ROR2: variants seen among roughly 807,000 people sequenced by gnomAD.
ROR2 encodes the protein tyrosine-protein kinase transmembrane receptor ROR2.
Under a neutral mutation model 74.9 loss-of-function variants are expected in ROR2, and 33 were observed. The ratio of observed to expected loss-of-function variants is 0.44; its 90% CI spans 0.33 to 0.59. The LOEUF is 0.59. Among genes scored for constraint, ROR2 ranks in the 20% least tolerant of loss-of-function variants. ROR2 has a pLI of 0.02. For synonymous variants in ROR2, 586 were observed against 558.7 expected, an observed-to-expected ratio of 1.05 and a Z score of -0.69; for missense variants, 1,216 against 1,313.8, an observed-to-expected ratio of 0.93 and a Z score of 1.15.
chr9:91,757,321 G>A lies in ROR2; in HGVS notation c.414C>T (p.Thr138=), dbSNP rs200568902. ...TGGCGGTAATGGTCTTCATCCCGTT[G>A]GTGGCCACGCACTGGTAGTAGCCAG... ...TDTGYYQCVA[T]NGMKTITATG... Residue 138 remains threonine, a synonymous_variant, in exon 3 of 9, where the codon ACC becomes ACT. Coordinates refer to ENST00000375708, the MANE Select transcript of ROR2 (RefSeq NM_004560.4). 2.5e-6 allele frequency: 4 copies of A among 1,614,002 alleles called. No homozygotes were observed. The East Asian group carries it at 6.7e-5, about 27-fold the overall frequency.
At chr9:91,727,416 A>T (rs547801223) in intron 7 of ROR2, among the ~76,000 whole-genome samples, 171 of 133,998 alleles carry the variant, frequency 1.3e-3, no homozygotes, top group African/African-American at 5.0e-3. Flanking sequence ...TTTTTTTTTT[A>T]AATCACAGGG....
At chr9:91,834,830 T>A (rs1175271766) in intron 1 of ROR2, among the ~76,000 whole-genome samples, 1 of 152,188 alleles carries the variant, frequency 6.6e-6, no homozygotes, top group Non-Finnish European at 1.5e-5. Context: ...CCAGTGAGCT[T>A]TTGACTCCTG....
intron 8 of ROR2, among the ~76,000 whole-genome samples, chr9:91,725,892 G>A (rs564775708): frequency 1.3e-5 from 2 of 152,190 alleles, no homozygotes; most frequent in Non-Finnish European, 2.9e-5. Context: ...GGACTGAAGA[G>A]CCAAGTGCAT....
chr9:91,771,875 C>T (rs938265411), intron 2 of ROR2, among the ~76,000 whole-genome samples: 4 of 152,174 alleles, frequency 2.6e-5, no homozygotes, highest in African/African-American at 9.7e-5. Context: ...ATGAACTGGT[C>T]CACAGGCCAA....
intron 1 of ROR2, among the ~76,000 whole-genome samples, chr9:91,796,453 A>G (rs1160967843): frequency 6.6e-6 from 1 of 151,960 alleles, no homozygotes; most frequent in Non-Finnish European, 1.5e-5. Flanking sequence ...AAAAAAAAAA[A>G]AACATTTTCA....
intron 1 of ROR2, among the ~76,000 whole-genome samples, chr9:91,899,022 G>A (rs143663191): frequency 0.017 from 2,569 of 152,260 alleles, 76 homozygotes; most frequent in African/African-American, 0.059. Flanking sequence ...CAAACAGAGA[G>A]GGCAGCGGAA....
At chr9:91,867,704 C>T (rs1228718626) in intron 1 of ROR2, among the ~76,000 whole-genome samples, 5 of 74,638 alleles carry the variant, frequency 6.7e-5, no homozygotes. Flanking sequence ...GTGTGTGTAT[C>T]TGACCCTAAG....
intron 1 of ROR2, among the ~76,000 whole-genome samples, chr9:91,928,973 A>G (rs35936686): frequency 6.6e-6 from 1 of 152,242 alleles, no homozygotes; most frequent in Non-Finnish European, 1.5e-5. Context: ...CTGGCAAGAA[A>G]ACCAGCCATG....
chr9:91,753,367 G>C (rs1825647904), intron 4 of ROR2, among the ~76,000 whole-genome samples: 1 of 152,200 alleles, frequency 6.6e-6, no homozygotes, highest in South Asian at 2.1e-4. Context: ...CTAGTAACCA[G>C]GGAAATGGAG....
intron 1 of ROR2, among the ~76,000 whole-genome samples, chr9:91,814,523 T>C (rs988442952): frequency 6.6e-6 from 1 of 152,064 alleles, no homozygotes; most frequent in Non-Finnish European, 1.5e-5. Context: ...AGCCATGACT[T>C]CTGAACACAA....
At chr9:91,761,862 C>T (rs1170476715) in intron 2 of ROR2, among the ~76,000 whole-genome samples, 1 of 152,170 alleles carries the variant, frequency 6.6e-6, no homozygotes, top group East Asian at 1.9e-4. Context: ...ATCAGGATGG[C>T]TTCCTTACCC....
intron 1 of ROR2, among the ~76,000 whole-genome samples, chr9:91,823,396 C>A (rs1315669664): frequency 6.7e-6 from 1 of 150,226 alleles, no homozygotes; most frequent in African/African-American, 2.5e-5. Context: ...GTGACATGAT[C>A]TCGGCCCACT....
intron 1 of ROR2, among the ~76,000 whole-genome samples, chr9:91,935,645 G>A (rs774747352): frequency 2.0e-5 from 3 of 152,194 alleles, no homozygotes; most frequent in East Asian, 1.9e-4. Context: ...AGCACTAGGC[G>A]CCTGGCATCA....
At chr9:91,743,338 G>A (rs564114934) in intron 4 of ROR2, among the ~76,000 whole-genome samples, 88 of 152,254 alleles carry the variant, frequency 5.8e-4, no homozygotes, top group African/African-American at 2.1e-3. Flanking sequence ...TTGGGAGGCC[G>A]AGGCAGGTGA....
intron 1 of ROR2, among the ~76,000 whole-genome samples, chr9:91,854,527 C>T (rs902360395): frequency 4.6e-5 from 7 of 152,202 alleles, no homozygotes; most frequent in South Asian, 2.1e-4. Flanking sequence ...TCATTTTACC[C>T]GGAATCCCTC....
intron 1 of ROR2, among the ~76,000 whole-genome samples, chr9:91,844,467 T>A (rs1280491927): frequency 6.6e-6 from 1 of 152,138 alleles, no homozygotes. Flanking sequence ...TGGTTTTACT[T>A]CCTCCTGCCG....
intron 1 of ROR2, among the ~76,000 whole-genome samples, chr9:91,885,879 T>C (rs537786145): frequency 1.3e-3 from 190 of 148,716 alleles, no homozygotes; most frequent in Non-Finnish European, 2.5e-3. Flanking sequence ...TTTTTTTTTT[T>C]TTTTTTTTTT....
intron 1 of ROR2, among the ~76,000 whole-genome samples, chr9:91,799,823 C>T (rs922708728): frequency 2.2e-4 from 33 of 152,280 alleles, no homozygotes; most frequent in African/African-American, 7.9e-4. Context: ...TGCTCCTGGC[C>T]CACTGTACCC....
intron 1 of ROR2, among the ~76,000 whole-genome samples, chr9:91,916,029 C>G (rs1214740025): frequency 6.6e-6 from 1 of 152,174 alleles, no homozygotes; most frequent in South Asian, 2.1e-4. Context: ...TCTAACACCT[C>G]CATCCTAATT....
Sources: allele counts gnomAD v4.1 joint callset (sites outside exome capture counted in the v4.1 genomes callset), GRCh38; gene constraint gnomAD v4.1.1; transcripts MANE v1.5; gene names NCBI Gene and HGNC (gene_info 2026-07-23, HGNC 2026-07-21).